HHATL: variants seen among roughly 807,000 people sequenced by gnomAD.
HHATL encodes the protein protein-cysteine N-palmitoyltransferase HHAT-like protein.
In HHATL, 49 loss-of-function variants were observed where a neutral mutation model predicts 59.7. That is an observed-to-expected ratio of 0.82 (90% CI 0.65 to 1.04). The LOEUF is 1.04. Ranked by LOEUF, HHATL falls within the 50% of genes least tolerant of loss-of-function variation. The pLI, the probability that HHATL is intolerant of heterozygous loss-of-function variation, is 0.00. For synonymous variants in HHATL, 238 were observed against 257.3 expected, an observed-to-expected ratio of 0.93 and a Z score of 0.72; for missense variants, 605 against 650.8, an observed-to-expected ratio of 0.93 and a Z score of 0.77.
chr3:42,700,105 T>C (rs1042375665), intron 2 of HHATL, among the ~76,000 whole-genome samples: 1 of 143,594 alleles, frequency 7.0e-6, no homozygotes, highest in Non-Finnish European at 1.5e-5. Context: ...TGTGTCGGGA[T>C]GTGTGTGTGT....
chr3:42,699,665 G>A (rs1189010444), intron 3 of HHATL, 93 bp downstream of exon 3: 10 of 1,094,298 alleles, frequency 9.1e-6, no homozygotes, highest in Admixed American at 2.1e-5. Flanking sequence ...CCCCAGAGCT[G>A]TGAGAAGCTC....
At chr3:42,700,930 G>A (rs1697948631) in intron 1 of HHATL, 91 bp from the exon 2 acceptor site, 1 of 803,684 alleles carries the variant, frequency 1.2e-6, no homozygotes, top group East Asian at 2.6e-5. Flanking sequence ...GACCCACTCT[G>A]AAGAGAGATT....
At chr3:42,696,955 G>T in intron 8 of HHATL, 46 bp downstream of exon 8, 1 of 1,613,784 alleles carries the variant, frequency 6.2e-7, no homozygotes, top group Non-Finnish European at 8.5e-7. Context: ...CTAGGGGAAG[G>T]TGTGGTCCCA....
Position 42,697,513 on chromosome 3 carries a change from G to T in HHATL, c.860C>A (p.Ala287Asp), listed in dbSNP as rs1196567259. 1 of 1,613,610 alleles carries T rather than the reference G, an allele frequency of 6.2e-7. No homozygotes were observed. The highest frequency in any genetic ancestry group is 8.5e-7 in the Non-Finnish European group (1 of 1,179,736). The change falls in exon 7 of 12, where the codon GCC (alanine) becomes GAC (aspartate). Residue 287 changes from alanine (A) to aspartate (D), a missense_variant. By Grantham distance (126) the Ala-to-Asp change is moderately radical (BLOSUM62 -2). Transcript: ENST00000441594. ...TTTCTCTTCTGTGGACCCACCGAGG[G>T]CACTGTCTGGGAGGCGGTTGGCGAA... is the stretch of plus-strand genomic sequence containing the variant. Reference protein sequence around the residue: ...LKFANRLPDSALAGLAYSNLV... With the variant: ...LKFANRLPDSDLAGLAYSNLV...
rs1405029325 is a variant in HHATL, at chr3:42,697,093, G to A, written c.918C>T (p.Leu306=). Residue 306 remains leucine, a synonymous_variant, in exon 8 of 12, where the codon CTC becomes CTT. Coordinates refer to ENST00000441594, the MANE Select transcript of HHATL (RefSeq NM_020707.4). ...ATGCCACAGTGTTGACAACACCAAA[G>A]AGGACGGCCGCCTTCACCCAGTCAT... The part of the protein sequence containing the change: ...LVYDWVKAAV[L]FGVVNTVACL... 4 of 1,565,764 alleles carry A rather than the reference G, an allele frequency of 2.6e-6. No individual in the cohort carries two copies. The highest frequency in any genetic ancestry group is 3.5e-6 in the Non-Finnish European group (4 of 1,154,522).
Position 42,701,150 on chromosome 3 carries a change from C to T in HHATL, c.-13-311G>A, listed in dbSNP as rs1697964469. The stretch of plus-strand genomic sequence containing the variant: ...TTCATACCTTCCAGAGGCACCGGCC[C>T]CACCCTCTGCCAAAACCGCTCCTGC... On this transcript the variant is annotated intron_variant, in intron 1 of 11. Coordinates refer to ENST00000441594, the MANE Select transcript of HHATL (RefSeq NM_020707.4). This position sits in a 1 kb window ranked among gnomAD's most constrained non-coding sequence, Gnocchi z 5.1. 3.1e-6 allele frequency: 1 copy of T among 318,104 alleles called. No individual in the cohort carries two copies. Among genetic ancestry groups the T allele is most frequent in the Non-Finnish European group, 5.9e-6 (1 of 168,546 alleles). The allele number at this position is 318,104 out of a possible 1,614,324, so 19.7% of individuals were successfully genotyped here. A position where few individuals can be genotyped will look rare whatever the true frequency, so the allele number is the denominator to read the frequency against.
chr3:42,700,362 G>C (rs1370520191), intron 2 of HHATL, among the ~76,000 whole-genome samples: 6 of 74,276 alleles, frequency 8.1e-5, no homozygotes, highest in African/African-American at 3.1e-4. Context: ...CTAGGTCTCT[G>C]TGTGTGTGTG....
In HHATL at chr3:42,692,671, A is replaced by G; in HGVS notation, c.*80T>C. On this transcript the variant is annotated 3_prime_UTR_variant, in exon 12 of 12. Coordinates refer to ENST00000441594, the MANE Select transcript of HHATL (RefSeq NM_020707.4). ...TCAGGGAACAGCCAAGCTGTTGTAG[A>G]AAAGTCTTTTATTCTATCGGTCAGG... The G allele has an allele frequency of 1.9e-6, 3 of 1,599,840 alleles. No individual in the cohort carries two copies. Among genetic ancestry groups the G allele is most frequent in the Admixed American group, 1.7e-5 (1 of 58,998 alleles).
At chr3:42,692,932 T>C (rs1697415271) in intron 11 of HHATL, 57 bp from the exon 12 acceptor site, 1 of 1,595,464 alleles carries the variant, frequency 6.3e-7, no homozygotes, top group Admixed American at 1.7e-5. Flanking sequence ...TCAGCGACTT[T>C]TGTCTTCCCA....
At chr3:42,693,379 A>G in intron 10 of HHATL, 161 bp from the exon 11 acceptor site, 2 of 929,862 alleles carry the variant, frequency 2.2e-6, no homozygotes, top group East Asian at 2.6e-5. Context: ...ACATGGGGAA[A>G]CAGGTCCAGA....
chr3:42,699,753 C>T lies in HHATL; in HGVS notation c.174+5G>A. The T allele has an allele frequency of 6.3e-7, 1 of 1,577,110 alleles. No individual in the cohort carries two copies. The highest frequency in any genetic ancestry group is 1.2e-5 in the South Asian group (1 of 85,938). ...GGGAGGGACCCTGGGATGTGGGGGA[C>T]CTACCATCTTCCGGCCAATGTACTC... On this transcript the variant is annotated splice_donor_5th_base_variant and intron_variant, in intron 3 of 11. Coordinates refer to ENST00000441594, the MANE Select transcript of HHATL (RefSeq NM_020707.4).
intron 3 of HHATL, among the ~76,000 whole-genome samples, 154 bp from the exon 4 acceptor site, chr3:42,699,299 T>C (rs139170661): frequency 6.6e-6 from 1 of 152,302 alleles, no homozygotes; most frequent in African/African-American, 2.4e-5. Context: ...TAATAATAAT[T>C]ATTTTTTACC....
In HHATL at chr3:42,698,855, GC is replaced by G; in HGVS notation, c.335del (p.Gly112AlafsTer46). The G allele has an allele frequency of 6.2e-7, 1 of 1,612,726 alleles. No individual in the cohort carries two copies. ...GCAGCAGGTACCAAGGGCCCATTGT[GC>G]CCATCACAGCCAAGGCCCCGTACAC... Reference protein sequence around the residue: ...YAVYGALAVMGTMGPWYLLLL... With the variant: ...YAVYGALAVMXTMGPWYLLLL... On this transcript the variant is annotated frameshift_variant, in exon 5 of 12. Transcript: ENST00000441594. LOFTEE classifies it high-confidence loss of function.
Position 42,700,096 on chromosome 3 carries a change from G to C in HHATL, c.107-271C>G, listed in dbSNP as rs200272472. On this transcript the variant is annotated intron_variant, in intron 2 of 11. Transcript: ENST00000441594. ...TCCAGGTCTCTGTGTGTGTGTGTGT[G>C]TGTCGGGATGTGTGTGTGTGTATGT... Among the ~76,000 whole-genome samples the C allele has an allele frequency of 2.0e-3, 306 of 151,016 alleles. 7 individuals are homozygous for C. The East Asian group carries it at 0.037, about 18-fold the overall frequency.
At chr3:42,693,362 T>A in intron 10 of HHATL, 144 bp from the exon 11 acceptor site, 1 of 1,043,572 alleles carries the variant, frequency 9.6e-7, no homozygotes, top group Non-Finnish European at 1.4e-6. Flanking sequence ...CTCTCCCTCC[T>A]TGTTAAACAT....
intron 1 of HHATL, 66 bp from the exon 2 acceptor site, chr3:42,700,905 C>T (rs977783929): frequency 9.0e-7 from 1 of 1,116,594 alleles, no homozygotes; most frequent in Non-Finnish European, 1.3e-6. Flanking sequence ...CTCATGGTCC[C>T]ACCACCCCAG....
At chr3:42,697,720 G>A in intron 6 of HHATL, 41 bp from the exon 7 acceptor site, 1 of 1,588,868 alleles carries the variant, frequency 6.3e-7, no homozygotes, top group Non-Finnish European at 8.6e-7. Context: ...GGCAAGCCCT[G>A]CCTGGGGAGC....
At chr3:42,694,574 G>A (rs1237868592) in intron 9 of HHATL, among the ~76,000 whole-genome samples, 1 of 152,140 alleles carries the variant, frequency 6.6e-6, no homozygotes, top group Admixed American at 6.5e-5. Context: ...CTTTACTCTG[G>A]CTAGAAGATC....
intron 2 of HHATL, 59 bp downstream of exon 2, chr3:42,700,662 C>A: frequency 8.3e-7 from 1 of 1,198,130 alleles, no homozygotes; most frequent in Non-Finnish European, 1.2e-6. Context: ...CTGGTTGGAA[C>A]CCTGAGGCCT....
Sources: allele counts gnomAD v4.1 joint callset (sites outside exome capture counted in the v4.1 genomes callset), GRCh38; gene constraint gnomAD v4.1.1; non-coding constraint Gnocchi (gnomAD v3.1); transcripts MANE v1.5; gene names NCBI Gene and HGNC (gene_info 2026-07-23, HGNC 2026-07-21).